Variants in TRDN observed in about 807,000 individuals in gnomAD.
The protein encoded by TRDN is triadin in skeletal muscle.
Under a neutral mutation model 149.7 loss-of-function variants are expected in TRDN, and 161 were observed. The observed-to-expected ratio is 1.08, with a 90% CI of 0.95 to 1.23. TRDN has a LOEUF of 1.23. Among genes scored for constraint, TRDN ranks in the 50% most tolerant of loss-of-function variants. The pLI is 0.00. For missense variants in TRDN, 896 were observed against 823.5 expected, an observed-to-expected ratio of 1.09 and a Z score of -1.08; for synonymous variants, 294 against 250.5, an observed-to-expected ratio of 1.17 and a Z score of -1.64.
Position 123,252,399 on chromosome 6 carries a change from A to T in TRDN, c.1975+13T>A. On this transcript the variant is annotated intron_variant, in intron 38 of 40. Transcript: ENST00000334268. ...ATCAAAGAGAACTTGTCATTAATAC[A>T]AACCGTACTTACTTGATACTCTTGC... 6.7e-7 allele frequency: 1 copy of T among 1,499,272 alleles called. No individual in the cohort carries two copies. The allele number at this position is 1,499,272 out of a possible 1,614,324, so 92.9% of individuals were successfully genotyped here. A position where few individuals can be genotyped will look rare whatever the true frequency, so the allele number is the denominator to read the frequency against.
At position 123,571,070 on chromosome 6, in the gene TRDN, C is replaced by T. The variant is rs763469367; in HGVS notation, c.85G>A (p.Gly29Arg). 326 of 1,613,798 alleles carry T rather than the reference C, an allele frequency of 2.0e-4. No homozygotes were observed. Among genetic ancestry groups the T allele is most frequent in the East Asian group, 3.6e-4 (16 of 44,878 alleles). Residue 29 changes from glycine (G) to arginine (R), a missense_variant, in exon 2 of 41, where the codon GGA becomes AGA. Coordinates refer to ENST00000334268, the MANE Select transcript of TRDN (RefSeq NM_006073.4). ...SKNGSVPKSP[G>R]KVLKRTVTED... is the part of the protein sequence containing the mutation. ...GTGACTGTCCTCTTCAGCACTTTTCCGGGGGATTTGGGCACAGATCCATTT... is the reference window on the plus strand; with the variant it reads ...GTGACTGTCCTCTTCAGCACTTTTCTGGGGGATTTGGGCACAGATCCATTT...
chr6:123,604,033 C>CTTT (rs1784403146), intron 1 of TRDN, among the ~76,000 whole-genome samples: 1 of 152,060 alleles, frequency 6.6e-6, no homozygotes, highest in Non-Finnish European at 1.5e-5. Flanking sequence ...GATGAGTTAC[C>CTTT]GAAAGATTGC....
chr6:123,460,280 C>T (rs1329440032), intron 10 of TRDN, among the ~76,000 whole-genome samples: 1 of 152,124 alleles, frequency 6.6e-6, no homozygotes. Flanking sequence ...AATCACCTTA[C>T]TAGCTTCTGT....
chr6:123,406,086 A>G (rs919095486), intron 12 of TRDN, among the ~76,000 whole-genome samples: 1 of 152,218 alleles, frequency 6.6e-6, no homozygotes, highest in African/African-American at 2.4e-5. Flanking sequence ...CTAGAAAACC[A>G]GATAAGCACA....
At chr6:123,322,822 G>A (rs557211835) in intron 23 of TRDN, among the ~76,000 whole-genome samples, 2 of 151,756 alleles carry the variant, frequency 1.3e-5, no homozygotes, top group Non-Finnish European at 2.9e-5. Context: ...TGTATTTTTA[G>A]TAGAGACGGG....
chr6:123,281,868 T>C (rs1229137996), intron 24 of TRDN, among the ~76,000 whole-genome samples: 2 of 152,050 alleles, frequency 1.3e-5, no homozygotes, highest in African/African-American at 4.8e-5. Context: ...TTCAGCTTTC[T>C]CTTTATACTA....
intron 23 of TRDN, 33 bp downstream of exon 23, chr6:123,331,846 A>C: frequency 2.8e-6 from 4 of 1,438,248 alleles, no homozygotes; most frequent in Non-Finnish European, 3.7e-6. Context: ...AAGGCAGATC[A>C]ATGTGGCTTC....
chr6:123,605,669 C>A (rs1341426096), intron 1 of TRDN, among the ~76,000 whole-genome samples: 2 of 151,500 alleles, frequency 1.3e-5, no homozygotes, highest in African/African-American at 2.4e-5. Flanking sequence ...GAGACTGAGG[C>A]AGGAGAATTG....
intron 21 of TRDN, among the ~76,000 whole-genome samples, chr6:123,344,940 G>C (rs1201451375): frequency 2.0e-5 from 3 of 151,870 alleles, no homozygotes; most frequent in Admixed American, 1.3e-4. Context: ...TTAGTGTTTT[G>C]GATTTTAGCT....
intron 24 of TRDN, among the ~76,000 whole-genome samples, chr6:123,281,933 G>GCCCAGT (rs1777597266): frequency 2.0e-5 from 3 of 151,928 alleles, no homozygotes; most frequent in Non-Finnish European, 4.4e-5. Context: ...AAGTCCAGAC[G>GCCCAGT]CCCAGTACCT....
rs758743355 is a variant in TRDN at position 123,273,028 on chromosome 6, GAA to G, written c.1625-19_1625-18del. On this transcript the variant is annotated intron_variant, in intron 28 of 40. Coordinates refer to ENST00000334268, the MANE Select transcript of TRDN (RefSeq NM_006073.4). ...TGTCTTGTTCTGAAAATAATAAAAAGAAAATCTTTTTTAGGTATTTAGAAGCT... is the reference window on the plus strand; with the variant it reads ...TGTCTTGTTCTGAAAATAATAAAAAGAATCTTTTTTAGGTATTTAGAAGCT... 11 of 1,475,332 alleles carry G rather than the reference GAA, an allele frequency of 7.5e-6. No homozygotes were observed. The South Asian group carries it at 1.4e-4, about 18-fold the overall frequency. The allele number at this position is 1,475,332 out of a possible 1,614,324, so 91.4% of individuals were successfully genotyped here. A position where few individuals can be genotyped will look rare whatever the true frequency, so the allele number is the denominator to read the frequency against.
rs28494009 is a variant in TRDN, at chr6:123,377,874, A to C, written c.1211T>G (p.Val404Gly). 228,792 of 1,533,254 alleles carry C rather than the reference A, an allele frequency of 0.15. 18,325 individuals carry two copies. Among genetic ancestry groups the C allele is most frequent in the South Asian group, 0.23 (19,388 of 85,076 alleles). 95.0% of individuals were successfully genotyped at this position (1,533,254 alleles called of 1,614,324 possible). A position where few individuals can be genotyped will look rare whatever the true frequency, so the allele number is the denominator to read the frequency against. The change falls in exon 17 of 41, where the codon GTG (valine) becomes GGG (glycine). Residue 404 changes from valine (V) to glycine (G), a missense_variant. By Grantham distance (109) the Val-to-Gly change is moderately radical. Coordinates refer to ENST00000334268, the MANE Select transcript of TRDN (RefSeq NM_006073.4). ...GKKQEKKEKH[V>G]EPAKSPKKEH... The stretch of plus-strand genomic sequence containing the variant: ...AATTTAAAAACAGTTACCTGGTTCC[A>C]CATGTTTTTCTTTCTTTTCCTGTTC...
intron 20 of TRDN, among the ~76,000 whole-genome samples, chr6:123,361,790 T>C (rs1780918305): frequency 6.6e-6 from 1 of 152,184 alleles, no homozygotes; most frequent in African/African-American, 2.4e-5. Flanking sequence ...TGAAGTTATT[T>C]TAGTCTGCTT....
intron 32 of TRDN, among the ~76,000 whole-genome samples, chr6:123,267,406 T>C (rs1341072904): frequency 1.3e-5 from 2 of 152,098 alleles, no homozygotes; most frequent in Non-Finnish European, 2.9e-5. Flanking sequence ...TTAATCTGTA[T>C]GATAAATTAT....
chr6:123,520,655 A>G (rs1171705555), intron 5 of TRDN, among the ~76,000 whole-genome samples: 1 of 152,230 alleles, frequency 6.6e-6, no homozygotes, highest in Non-Finnish European at 1.5e-5. Flanking sequence ...GTTAAATCAC[A>G]AAAGATATTT....
intron 13 of TRDN, 129 bp from the exon 14 acceptor site, chr6:123,388,680 A>T: frequency 1.0e-6 from 1 of 968,642 alleles, no homozygotes. Flanking sequence ...ATTCATCCAA[A>T]TCTATGATAG....
intron 9 of TRDN, among the ~76,000 whole-genome samples, chr6:123,485,540 AT>A (rs1252870751): frequency 6.6e-6 from 1 of 152,162 alleles, no homozygotes; most frequent in Non-Finnish European, 1.5e-5. Context: ...GCAGAAAAAG[AT>A]GTTCTAGGGA....
intron 10 of TRDN, among the ~76,000 whole-genome samples, chr6:123,451,465 A>G (rs892338331): frequency 3.3e-5 from 5 of 152,186 alleles, no homozygotes; most frequent in Admixed American, 2.6e-4. Context: ...CAAGGCTATT[A>G]TGAACACCTT....
chr6:123,254,488 T>C (rs1776483383), intron 37 of TRDN, among the ~76,000 whole-genome samples: 1 of 152,038 alleles, frequency 6.6e-6, no homozygotes, highest in Non-Finnish European at 1.5e-5. Context: ...CCTTCGAATT[T>C]AAAGCACTTT....
Sources: gnomAD v4.1 joint callset for allele counts (sites outside exome capture counted in the v4.1 genomes callset) on GRCh38, gnomAD v4.1.1 for gene constraint, MANE v1.5 for transcripts, NCBI Gene and HGNC (gene_info 2026-07-23, HGNC 2026-07-21) for gene names.